Variants in PPP2R3A observed in about 807,000 individuals in gnomAD.
The protein encoded by PPP2R3A is protein phosphatase 2 regulatory subunit B''alpha.
In PPP2R3A, 80 loss-of-function variants were observed where a neutral mutation model predicts 106.9. The observed-to-expected ratio is 0.75, with a 90% CI of 0.62 to 0.90. The LOEUF is 0.90. PPP2R3A is among the 40% of genes least tolerant of loss of function. The probability of loss-of-function intolerance (pLI) is 0.00; values close to 1 mark genes in which losing one functional copy is unlikely to be tolerated. For missense variants in PPP2R3A, 1,386 were observed against 1,350.4 expected, an observed-to-expected ratio of 1.03 and a Z score of -0.41; for synonymous variants, 483 against 468.3, an observed-to-expected ratio of 1.03 and a Z score of -0.41.
intron 5 of PPP2R3A, among the ~76,000 whole-genome samples, chr3:136,064,300 G>A: frequency 6.6e-6 from 1 of 150,800 alleles, no homozygotes; most frequent in Non-Finnish European, 1.5e-5. Flanking sequence ...ATAGCATTTG[G>A]AGATACACCT....
chr3:136,055,643 T>A, intron 5 of PPP2R3A: 1 of 1,296,868 alleles, frequency 7.7e-7, no homozygotes, highest in African/African-American at 1.5e-5. Context: ...ATGGACAAAG[T>A]ACTTGATACA....
At chr3:135,991,988 TC>T (rs1933185379) in intron 1 of PPP2R3A, among the ~76,000 whole-genome samples, 1 of 152,206 alleles carries the variant, frequency 6.6e-6, no homozygotes, top group South Asian at 2.1e-4. Context: ...GTATACACTT[TC>T]TTTGAGCATC....
At chr3:136,051,553 C>T (rs1223842238) in intron 5 of PPP2R3A, among the ~76,000 whole-genome samples, 1 of 152,208 alleles carries the variant, frequency 6.6e-6, no homozygotes, top group South Asian at 2.1e-4. Context: ...TGGTCTCGAA[C>T]TCCTGACCTC....
intron 12 of PPP2R3A, among the ~76,000 whole-genome samples, chr3:136,104,143 C>T (rs1328143428): frequency 6.6e-6 from 1 of 152,106 alleles, no homozygotes; most frequent in Non-Finnish European, 1.5e-5. Context: ...AGAATATGAT[C>T]ACCTTCTAAA....
At chr3:136,030,213 G>C (rs1376269551) in intron 3 of PPP2R3A, among the ~76,000 whole-genome samples, 2 of 138,494 alleles carry the variant, frequency 1.4e-5, no homozygotes, top group African/African-American at 6.1e-5. Flanking sequence ...GTGAGAACCT[G>C]TCTCAATAAA....
intron 13 of PPP2R3A, among the ~76,000 whole-genome samples, chr3:136,135,090 G>A (rs1276800270): frequency 1.3e-5 from 2 of 151,224 alleles, no homozygotes; most frequent in Non-Finnish European, 2.9e-5. Flanking sequence ...GAGAGAACGT[G>A]CCAGTGGAAG....
chr3:136,093,116 T>G (rs1380874577), intron 10 of PPP2R3A, among the ~76,000 whole-genome samples: 1 of 152,134 alleles, frequency 6.6e-6, no homozygotes, highest in African/African-American at 2.4e-5. Flanking sequence ...TCATCAAAAT[T>G]TTAAATTTTT....
intron 2 of PPP2R3A, among the ~76,000 whole-genome samples, chr3:136,010,194 CTTCT>C (rs1933999336): frequency 1.3e-5 from 2 of 151,716 alleles, no homozygotes; most frequent in Admixed American, 1.3e-4. Context: ...TCTCCCTTTC[CTTCT>C]ATTTCTATTA....
chr3:136,054,907 G>A (rs1576466392), intron 5 of PPP2R3A, among the ~76,000 whole-genome samples: 2 of 152,094 alleles, frequency 1.3e-5, no homozygotes, highest in Non-Finnish European at 2.9e-5. Context: ...ATATAATTCG[G>A]TTGTAGGGAT....
At chr3:136,032,865 A>G (rs538201405) in intron 3 of PPP2R3A, among the ~76,000 whole-genome samples, 2 of 151,990 alleles carry the variant, frequency 1.3e-5, no homozygotes, top group Admixed American at 1.3e-4. Context: ...GGTGCCCTTT[A>G]TTTCTTTCTC....
Position 136,082,361 on chromosome 3 carries a change from C to G in PPP2R3A, c.2728C>G (p.Leu910Val), listed in dbSNP as rs780744174. 5.0e-6 allele frequency: 8 copies of G among 1,612,926 alleles called. No homozygotes were observed. In the East Asian group the frequency reaches 1.6e-4, roughly 31 times the overall value. The change falls in exon 8 of 14, where the codon CTA becomes GTA. Residue 910 changes from leucine to valine, a missense_variant. By Grantham distance (32) the Leu-to-Val change is conservative. Coordinates refer to ENST00000264977, the MANE Select transcript of PPP2R3A (RefSeq NM_002718.5). ...TGTTATTTATTGTAAATTCTGGGAA[C>G]TAGATACTGATCACGACCTCTACAT... ...FYVIYCKFWELDTDHDLYISQ... is the reference protein window; with the variant it reads ...FYVIYCKFWEVDTDHDLYISQ...
chr3:136,003,343 A>G lies in PPP2R3A; in HGVS notation c.1845A>G (p.Leu615=), dbSNP rs138504743. Residue 615 remains leucine (L), a synonymous_variant, in exon 2 of 14, where the codon CTA becomes CTG. Coordinates refer to ENST00000264977, the MANE Select transcript of PPP2R3A (RefSeq NM_002718.5). ...LVECKSSRGS[L]SQEKEMMQIL... Reference sequence around the variant, plus strand: ...AATGCAAATCAAGCAGAGGGAGCCTATCACAAGAAAAGGAAATGATGCAAA... The same window carrying G: ...AATGCAAATCAAGCAGAGGGAGCCTGTCACAAGAAAAGGAAATGATGCAAA... The G allele has an allele frequency of 7.0e-5, 113 of 1,613,914 alleles. No homozygotes were observed. The highest frequency in any genetic ancestry group is 1.0e-4 in the Admixed American group (6 of 59,976).
rs1939151745 is a variant in PPP2R3A, at chr3:136,146,906, G to GTTT, written c.*1741_*1743dup. ...ATACTTTTCTTAGAAGCCAGATATG[G>GTTT]TTTAAATGTTTTATTATCCATAATG... On this transcript the variant is annotated 3_prime_UTR_variant, in exon 14 of 14. Transcript: ENST00000264977. 1 of 150,644 alleles carries GTTT rather than the reference G, an allele frequency of 6.6e-6. No individual in the cohort carries two copies. Among genetic ancestry groups the GTTT allele is most frequent in the Non-Finnish European group, 1.5e-5 (1 of 67,756 alleles). The allele number at this position is 150,644 out of a possible 1,614,324, so 9.3% of individuals were successfully genotyped here. A position where few individuals can be genotyped will look rare whatever the true frequency, so the allele number is the denominator to read the frequency against.
intron 13 of PPP2R3A, among the ~76,000 whole-genome samples, chr3:136,144,030 A>G (rs1395578438): frequency 6.6e-6 from 1 of 152,238 alleles, no homozygotes; most frequent in African/African-American, 2.4e-5. Flanking sequence ...ACATATCTAC[A>G]TATGAGGCTC....
chr3:136,004,525 CAT>C (rs1933776699), intron 2 of PPP2R3A, among the ~76,000 whole-genome samples: 1 of 152,134 alleles, frequency 6.6e-6, no homozygotes, highest in Non-Finnish European at 1.5e-5. Flanking sequence ...ATCTAAGAAA[CAT>C]AGAAAAGCAC....
chr3:136,061,168 A>G (rs1443882698), intron 5 of PPP2R3A, among the ~76,000 whole-genome samples: 3 of 152,196 alleles, frequency 2.0e-5, no homozygotes, highest in East Asian at 3.8e-4. Flanking sequence ...TTCAGAGAGA[A>G]AGAGAGAGAG....
chr3:136,037,935 C>T (rs1412116472), intron 3 of PPP2R3A, among the ~76,000 whole-genome samples: 12 of 151,594 alleles, frequency 7.9e-5, no homozygotes, highest in Non-Finnish European at 1.6e-4. Context: ...ATCCACTCTT[C>T]CTTTGTAAAA....
intron 13 of PPP2R3A, among the ~76,000 whole-genome samples, chr3:136,114,690 C>T (rs1360199046): frequency 6.6e-6 from 1 of 152,152 alleles, no homozygotes; most frequent in African/African-American, 2.4e-5. Context: ...GGGAGCGCAC[C>T]GCAGCTCACC....
intron 13 of PPP2R3A, among the ~76,000 whole-genome samples, chr3:136,132,828 A>T (rs1407160975): frequency 6.6e-6 from 1 of 152,136 alleles, no homozygotes; most frequent in Admixed American, 6.6e-5. Flanking sequence ...ACAAAGTTGA[A>T]GGACTAGATT....
Sources: allele counts gnomAD v4.1 joint callset (sites outside exome capture counted in the v4.1 genomes callset), GRCh38; gene constraint gnomAD v4.1.1; transcripts MANE v1.5; gene names NCBI Gene and HGNC (gene_info 2026-07-23, HGNC 2026-07-21).